DOK5: variants seen among roughly 807,000 people sequenced by gnomAD.
DOK5 encodes the protein downstream of tyrosine kinase 5.
A neutral mutation model predicts 43.3 loss-of-function variants in DOK5; 27 were observed. The ratio of observed to expected loss-of-function variants is 0.62; its 90% CI spans 0.46 to 0.86. DOK5 has a LOEUF of 0.86. Among genes scored for constraint, DOK5 ranks in the 40% least tolerant of loss-of-function variants. The probability of loss-of-function intolerance (pLI) is 0.00; values close to 1 mark genes in which losing one functional copy is unlikely to be tolerated. For missense variants in DOK5, 373 were observed against 392.9 expected, an observed-to-expected ratio of 0.95 and a Z score of 0.43; for synonymous variants, 146 against 140.1, an observed-to-expected ratio of 1.04 and a Z score of -0.30.
chr20:54,594,563 C>T (rs1413712369), intron 5 of DOK5, among the ~76,000 whole-genome samples: 1 of 151,966 alleles, frequency 6.6e-6, no homozygotes, highest in African/African-American at 2.4e-5. Flanking sequence ...ATGACTGTAC[C>T]TCTCATATCA....
intron 2 of DOK5, among the ~76,000 whole-genome samples, chr20:54,558,907 T>C (rs1984806019): frequency 6.6e-6 from 1 of 152,130 alleles, no homozygotes; most frequent in African/African-American, 2.4e-5. Context: ...TCACTGAAAA[T>C]GTAGCTCGAA....
intron 4 of DOK5, among the ~76,000 whole-genome samples, chr20:54,590,926 A>T (rs937176076): frequency 4.6e-5 from 7 of 152,338 alleles, no homozygotes; most frequent in African/African-American, 1.7e-4. Context: ...GCAGGGATGA[A>T]AATTAGGTTA....
intron 1 of DOK5, among the ~76,000 whole-genome samples, chr20:54,497,280 A>T (rs112375563): frequency 6.6e-6 from 1 of 152,240 alleles, no homozygotes; most frequent in Admixed American, 6.5e-5. Context: ...GAATATTACA[A>T]ACCCGAATGT....
intron 6 of DOK5, among the ~76,000 whole-genome samples, chr20:54,630,901 C>T (rs1207910242): frequency 6.6e-6 from 1 of 151,750 alleles, no homozygotes; most frequent in Non-Finnish European, 1.5e-5. Context: ...GAACAGTCTT[C>T]AATATAGTAG....
chr20:54,610,196 G>A (rs576825674), intron 5 of DOK5, among the ~76,000 whole-genome samples, 192 bp from the exon 6 acceptor site: 25 of 152,296 alleles, frequency 1.6e-4, no homozygotes, highest in African/African-American at 6.0e-4. Flanking sequence ...GAGTCCCTTG[G>A]TCCCCTGCCC....
intron 1 of DOK5, among the ~76,000 whole-genome samples, chr20:54,509,607 T>C (rs993921585): frequency 8.5e-5 from 13 of 152,234 alleles, no homozygotes; most frequent in African/African-American, 3.1e-4. Context: ...TCATCTTATT[T>C]ATCTTTAACA....
chr20:54,620,138 T>G (rs1402412782), intron 6 of DOK5, among the ~76,000 whole-genome samples: 18 of 152,230 alleles, frequency 1.2e-4, no homozygotes, highest in Admixed American at 1.2e-3. Context: ...TAATTATCCT[T>G]CAAAAAACTT....
intron 5 of DOK5, among the ~76,000 whole-genome samples, chr20:54,607,247 A>G (rs1021964877): frequency 2.6e-5 from 4 of 151,966 alleles, no homozygotes; most frequent in African/African-American, 9.6e-5. Flanking sequence ...TGACTTCTGG[A>G]TACCATGCTT....
intron 1 of DOK5, among the ~76,000 whole-genome samples, chr20:54,496,765 C>CAAAAAAAAAAAAAAAAA (rs74179280): frequency 1.7e-5 from 1 of 59,508 alleles, no homozygotes. Context: ...GACTCCGTCT[C>CAAAAAAAAAAAAAAAAA]AAAAAAAAAA....
chr20:54,493,979 G>T (rs753483344), intron 1 of DOK5, among the ~76,000 whole-genome samples: 2 of 152,144 alleles, frequency 1.3e-5, no homozygotes, highest in East Asian at 3.9e-4. Context: ...TAATTGTAGA[G>T]AATTCTATTG....
intron 1 of DOK5, among the ~76,000 whole-genome samples, chr20:54,532,269 C>A (rs1181026270): frequency 6.6e-6 from 1 of 152,138 alleles, no homozygotes; most frequent in East Asian, 1.9e-4. Flanking sequence ...TGCCCAAGGC[C>A]ACACTGCATG....
intron 1 of DOK5, among the ~76,000 whole-genome samples, chr20:54,511,666 A>G (rs2146687880): frequency 6.6e-6 from 1 of 152,308 alleles, no homozygotes; most frequent in South Asian, 2.1e-4. Flanking sequence ...GGCTTATCAG[A>G]TTCAAAGGCC....
intron 1 of DOK5, among the ~76,000 whole-genome samples, chr20:54,489,882 A>G (rs1487128601): frequency 6.6e-6 from 1 of 152,204 alleles, no homozygotes; most frequent in African/African-American, 2.4e-5. Flanking sequence ...GGGTATTCAC[A>G]TGTAGAATTT....
chr20:54,511,230 A>G (rs180786358), intron 1 of DOK5, among the ~76,000 whole-genome samples: 237 of 152,280 alleles, frequency 1.6e-3, no homozygotes, highest in African/African-American at 5.0e-3. Flanking sequence ...ACATTTACCC[A>G]TCTTTAAAAT....
chr20:54,507,081 A>C (rs957789342), intron 1 of DOK5, among the ~76,000 whole-genome samples: 2 of 152,240 alleles, frequency 1.3e-5, no homozygotes, highest in Non-Finnish European at 2.9e-5. Context: ...AGGATTCTAT[A>C]AAATCAGTCA....
chr20:54,494,010 C>T (rs1428399087), intron 1 of DOK5, among the ~76,000 whole-genome samples: 2 of 152,170 alleles, frequency 1.3e-5, no homozygotes, highest in East Asian at 3.9e-4. Flanking sequence ...CCCTATATTA[C>T]TTCTTCATAA....
chr20:54,560,149 C>G (rs6014055), intron 2 of DOK5, among the ~76,000 whole-genome samples: 27,071 of 152,202 alleles, frequency 0.18, 2,886 homozygotes, highest in African/African-American at 0.31. Flanking sequence ...CTTTTCTGTA[C>G]TAATGATTCA....
At chr20:54,505,406 G>T (rs1052987300) in intron 1 of DOK5, among the ~76,000 whole-genome samples, 60 of 152,204 alleles carry the variant, frequency 3.9e-4, no homozygotes, top group African/African-American at 1.3e-3. Context: ...TACTGAAAAA[G>T]TTAGCTGACC....
Position 54,475,872 on chromosome 20 carries a change from C to T in DOK5, c.-75C>T. ...TTCTCCCACCGACTGCTTGTCTTGA[C>T]CCTGCCCTCCACCCTCCCCAGAGCC... On this transcript the variant is annotated 5_prime_UTR_variant, in exon 1 of 8. Transcript: ENST00000262593. This position sits in a 1 kb window ranked among gnomAD's most constrained non-coding sequence, Gnocchi z 4.2. 6.3e-7 allele frequency: 1 copy of T among 1,575,792 alleles called. No individual in the cohort carries two copies. The highest frequency in any genetic ancestry group is 2.0e-4 in the Middle Eastern group (1 of 4,928).
Sources: gnomAD v4.1 joint callset for allele counts (sites outside exome capture counted in the v4.1 genomes callset) on GRCh38, gnomAD v4.1.1 for gene constraint, Gnocchi (gnomAD v3.1) non-coding constraint, MANE v1.5 for transcripts, NCBI Gene and HGNC (gene_info 2026-07-23, HGNC 2026-07-21) for gene names.